MEI4: variants seen among roughly 807,000 people sequenced by gnomAD.
MEI4 encodes meiosis-specific protein MEI4.
In MEI4, 27 loss-of-function variants were observed where a neutral mutation model predicts 31.4. The ratio of observed to expected loss-of-function variants is 0.86; its 90% CI spans 0.63 to 1.19. The LOEUF is 1.19. Among genes scored for constraint, MEI4 ranks in the 50% most tolerant of loss-of-function variants. The pLI, the probability that MEI4 is intolerant of heterozygous loss-of-function variation, is 0.00. For missense variants in MEI4, 329 were observed against 398.9 expected (o/e 0.82, Z 1.49); for synonymous variants, 122 against 145.4 (o/e 0.84, Z 1.16).
At chr6:77,835,509 A>C (rs1437596517) in intron 4 of MEI4, among the ~76,000 whole-genome samples, 1 of 152,068 alleles carries the variant, frequency 6.6e-6, no homozygotes, top group Non-Finnish European at 1.5e-5. Context: ...ACTCAATCTC[A>C]TGGTACCAAG....
intron 3 of MEI4, among the ~76,000 whole-genome samples, chr6:77,797,157 ATTC>A (rs1256021431): frequency 1.3e-5 from 2 of 152,314 alleles, no homozygotes; most frequent in Non-Finnish European, 2.9e-5. Flanking sequence ...ATGAAATTGG[ATTC>A]TTATCTCACA....
At chr6:77,822,620 C>A (rs916310017) in intron 3 of MEI4, among the ~76,000 whole-genome samples, 3 of 147,548 alleles carry the variant, frequency 2.0e-5, no homozygotes, top group African/African-American at 7.3e-5. Context: ...ATACCCCCCC[C>A]CCCTTTTTTT....
intron 4 of MEI4, among the ~76,000 whole-genome samples, chr6:77,868,295 A>G (rs929689259): frequency 6.6e-5 from 10 of 151,368 alleles, no homozygotes; most frequent in Non-Finnish European, 1.3e-4. Flanking sequence ...TAGAGGTAGC[A>G]TTATTCTGGT....
At chr6:77,872,410 A>G (rs940730492) in intron 4 of MEI4, among the ~76,000 whole-genome samples, 1 of 152,022 alleles carries the variant, frequency 6.6e-6, no homozygotes. Flanking sequence ...ATGCCTGTGT[A>G]TAGCCACTTT....
At chr6:77,803,417 A>G (rs1460910454) in intron 3 of MEI4, among the ~76,000 whole-genome samples, 1 of 151,964 alleles carries the variant, frequency 6.6e-6, no homozygotes, top group African/African-American at 2.4e-5. Context: ...ATGGGTTTGA[A>G]CTTCCTCCTT....
intron 3 of MEI4, among the ~76,000 whole-genome samples, chr6:77,816,160 G>A (rs1769684969): frequency 6.6e-6 from 1 of 152,064 alleles, no homozygotes. Flanking sequence ...TTAATCAGCT[G>A]TCTTTTTGTG....
At chr6:77,837,472 A>G (rs1770247203) in intron 4 of MEI4, among the ~76,000 whole-genome samples, 1 of 152,192 alleles carries the variant, frequency 6.6e-6, no homozygotes, top group South Asian at 2.1e-4. Flanking sequence ...GACCCAGACA[A>G]ACAATGTGCC....
At chr6:77,701,463 T>C (rs773678952) in intron 2 of MEI4, among the ~76,000 whole-genome samples, 45 of 152,080 alleles carry the variant, frequency 3.0e-4, no homozygotes, top group Non-Finnish European at 5.4e-4. Flanking sequence ...GTTGCTATTA[T>C]ATTACACGGT....
intron 3 of MEI4, among the ~76,000 whole-genome samples, chr6:77,798,922 T>G (rs1769164786): frequency 6.6e-6 from 1 of 151,836 alleles, no homozygotes; most frequent in African/African-American, 2.4e-5. Context: ...TTCCAAGTCT[T>G]TGCTATTGTG....
At chr6:77,706,500 A>G (rs1766336179) in intron 2 of MEI4, among the ~76,000 whole-genome samples, 1 of 152,304 alleles carries the variant, frequency 6.6e-6, no homozygotes, top group East Asian at 1.9e-4. Context: ...GTCAATTCCA[A>G]AGGCTCCCAT....
chr6:77,911,714 A>G (rs139076336), intron 4 of MEI4, among the ~76,000 whole-genome samples: 85 of 147,976 alleles, frequency 5.7e-4, no homozygotes, highest in Non-Finnish European at 1.1e-3. Context: ...TATAATACAT[A>G]TATTTTATTT....
At chr6:77,744,037 C>G (rs1167327771) in intron 2 of MEI4, among the ~76,000 whole-genome samples, 1 of 151,904 alleles carries the variant, frequency 6.6e-6, no homozygotes, top group Non-Finnish European at 1.5e-5. Context: ...AGCAGAAAAA[C>G]TGGAAACTCT....
At chr6:77,846,702 G>A (rs1485182387) in intron 4 of MEI4, among the ~76,000 whole-genome samples, 2 of 152,184 alleles carry the variant, frequency 1.3e-5, no homozygotes, top group East Asian at 3.8e-4. Flanking sequence ...TGGAGAGCAG[G>A]TTGTGGCACT....
chr6:77,802,292 C>A (rs1769286700), intron 3 of MEI4, among the ~76,000 whole-genome samples: 1 of 152,100 alleles, frequency 6.6e-6, no homozygotes, highest in Non-Finnish European at 1.5e-5. Context: ...AGGATTGCAA[C>A]CCCTGCCTTT....
chr6:77,802,741 A>G (rs988345564), intron 3 of MEI4, among the ~76,000 whole-genome samples: 4 of 152,126 alleles, frequency 2.6e-5, no homozygotes, highest in Non-Finnish European at 4.4e-5. Context: ...AGCTTAGTTT[A>G]TCTGGATATG....
chr6:77,889,158 A>T (rs1771697066), intron 4 of MEI4, among the ~76,000 whole-genome samples: 1 of 152,168 alleles, frequency 6.6e-6, no homozygotes. Context: ...TGTCTGTGGT[A>T]TCTGCTGTTG....
At chr6:77,834,129 C>T (rs1004082330) in intron 4 of MEI4, among the ~76,000 whole-genome samples, 1 of 152,088 alleles carries the variant, frequency 6.6e-6, no homozygotes, top group Non-Finnish European at 1.5e-5. Context: ...CCAGCAGCTG[C>T]TTCATCTTCC....
chr6:77,653,005 T>C (rs760536606), upstream of MEI4, among the ~76,000 whole-genome samples: 2 of 152,050 alleles, frequency 1.3e-5, no homozygotes, highest in African/African-American at 2.4e-5. Flanking sequence ...CTAAGAGAGG[T>C]CTCTCTTGTT....
In MEI4 at chr6:77,818,572, C is replaced by T. The variant is rs1021413362; in HGVS notation, c.769-10359C>T. 3.3e-5 allele frequency among the ~76,000 whole-genome samples: 5 copies of T among 152,160 alleles called. No individual in the cohort carries two copies. In the South Asian group the frequency reaches 8.3e-4, roughly 25 times the overall value. ...AAACCTATTTTAAAACCACCACTTG[C>T]TTTTCTTGTACCATCATAGTTCACA... On this transcript the variant is annotated intron_variant, in intron 3 of 4. Transcript: ENST00000684080.
Sources: allele counts gnomAD v4.1 joint callset (sites outside exome capture counted in the v4.1 genomes callset), GRCh38; gene constraint gnomAD v4.1.1; transcripts MANE v1.5; gene names NCBI Gene and HGNC (gene_info 2026-07-23, HGNC 2026-07-21).